The following MBP variants were observed in gnomAD, a reference collection of about 807,000 sequenced individuals.
MBP encodes the protein Golli-MBP.
In MBP, 16 loss-of-function variants were observed where a neutral mutation model predicts 35.8. That is an observed-to-expected ratio of 0.45 (90% CI 0.30 to 0.68). The LOEUF (loss-of-function observed/expected upper bound fraction) is 0.68, where lower values mean the gene tolerates loss of function less well. Ranked by LOEUF, MBP falls within the 30% of genes least tolerant of loss-of-function variation. The probability of loss-of-function intolerance (pLI) is 0.08; values close to 1 mark genes in which losing one functional copy is unlikely to be tolerated. For synonymous variants in MBP, 143 were observed against 159.6 expected, an observed-to-expected ratio of 0.90 and a Z score of 0.78; for missense variants, 380 against 404.7, an observed-to-expected ratio of 0.94 and a Z score of 0.52.
intron 2 of MBP, among the ~76,000 whole-genome samples, chr18:77,082,136 G>A (rs1249414921): frequency 1.3e-5 from 2 of 152,062 alleles, no homozygotes; most frequent in African/African-American, 2.4e-5. Context: ...ACAGGCGTGA[G>A]CCACTGCGCC....
At chr18:76,995,264 C>T (rs1402583791) in intron 4 of MBP, among the ~76,000 whole-genome samples, 1 of 152,114 alleles carries the variant, frequency 6.6e-6, no homozygotes, top group Admixed American at 6.5e-5. Flanking sequence ...GATTCTTTCC[C>T]CAAATCGATC....
intron 3 of MBP, among the ~76,000 whole-genome samples, chr18:77,041,284 G>A (rs1314721418): frequency 6.6e-6 from 1 of 152,164 alleles, no homozygotes; most frequent in African/African-American, 2.4e-5. Context: ...AACAACAGGT[G>A]CTGGAGAGGA....
rs1400173872 is a variant in MBP at position 77,016,923 on chromosome 18, A to T, written c.485T>A (p.Phe162Tyr). 1 of 1,614,140 alleles carries T rather than the reference A, an allele frequency of 6.2e-7. No homozygotes were observed. Among genetic ancestry groups the T allele is most frequent in the Non-Finnish European group, 8.5e-7 (1 of 1,180,038 alleles). ...ASTMDHARHGFLPRHRDTGIL... is the reference protein window; with the variant it reads ...ASTMDHARHGYLPRHRDTGIL... The stretch of plus-strand genomic sequence containing the variant: ...GCCCGTGTCTCTGTGCCTTGGGAGG[A>T]AGCCATGCCTGGCATGGTCCATGGT... The change falls in exon 4 of 9, where the codon TTC (phenylalanine) becomes TAC (tyrosine). Residue 162 changes from phenylalanine to tyrosine, a missense_variant. Phe to Tyr is a conservative substitution (Grantham distance 22, BLOSUM62 3). Transcript: ENST00000355994.
chr18:77,061,949 C>T (rs374553510), intron 3 of MBP, among the ~76,000 whole-genome samples: 3 of 152,350 alleles, frequency 2.0e-5, no homozygotes, highest in African/African-American at 7.2e-5. Context: ...ATGCTGTGCA[C>T]ACAGGACTTG....
intron 3 of MBP, among the ~76,000 whole-genome samples, chr18:77,051,700 A>T (rs1470012991): frequency 6.6e-6 from 1 of 152,144 alleles, no homozygotes; most frequent in African/African-American, 2.4e-5. Context: ...ATCAAATTTA[A>T]CACCTTCCAG....
intron 7 of MBP, chr18:76,985,971 C>G: frequency 7.1e-6 from 7 of 985,724 alleles, no homozygotes; most frequent in Non-Finnish European, 8.4e-6. Flanking sequence ...GTGCGAGTGT[C>G]CCAGGACCAG....
At chr18:77,053,832 T>C (rs1349049264) in intron 3 of MBP, among the ~76,000 whole-genome samples, 1 of 152,260 alleles carries the variant, frequency 6.6e-6, no homozygotes, top group African/African-American at 2.4e-5. Flanking sequence ...GTCTAGGTGC[T>C]GGGATATCTC....
intron 1 of MBP, among the ~76,000 whole-genome samples, chr18:77,128,417 G>A (rs1242097904): frequency 1.3e-5 from 2 of 152,082 alleles, no homozygotes; most frequent in African/African-American, 2.4e-5. Context: ...ATAAAGAGTA[G>A]CATCAAGGAT....
intron 4 of MBP, chr18:76,991,027 G>C (rs1041745696): frequency 1.0e-5 from 2 of 200,070 alleles, no homozygotes; most frequent in Non-Finnish European, 2.2e-5. Context: ...TTATCCCCAG[G>C]CTTCTGGGCT....
At chr18:77,013,677 A>G (rs917847823) in intron 4 of MBP, 29 of 985,332 alleles carry the variant, frequency 2.9e-5, no homozygotes, top group Non-Finnish European at 6.0e-6. Context: ...GTTTTCACAT[A>G]AAACAGAAAA....
At chr18:77,015,460 C>T (rs897750381) in intron 4 of MBP, 10 of 985,410 alleles carry the variant, frequency 1.0e-5, no homozygotes, top group Non-Finnish European at 1.2e-5. Flanking sequence ...TCGGTTAGAA[C>T]ACCAACATTT....
chr18:77,042,220 A>G (rs1973037933), intron 3 of MBP, among the ~76,000 whole-genome samples: 3 of 152,170 alleles, frequency 2.0e-5, no homozygotes, highest in Admixed American at 2.0e-4. Flanking sequence ...AGGAAGTGGC[A>G]TGCTCTCTTA....
At chr18:77,061,636 G>A (rs1973986659) in intron 3 of MBP, among the ~76,000 whole-genome samples, 1 of 152,174 alleles carries the variant, frequency 6.6e-6, no homozygotes, top group African/African-American at 2.4e-5. Flanking sequence ...AGAGTGAAAC[G>A]GGCGGCTCCC....
Position 77,102,696 on chromosome 18 carries a change from G to A in MBP, c.51+2515C>T, listed in dbSNP as rs371021827. On this transcript the variant is annotated intron_variant, in intron 2 of 8. Transcript: ENST00000355994. The surrounding 1 kb of genome is among the most constrained non-coding windows in gnomAD (Gnocchi z 4.4). ...AAAACATATGTGGGTGTTTTACAGCGTCAAACAACAGGAAAGAAACTGTAC... is the reference window on the plus strand; with the variant it reads ...AAAACATATGTGGGTGTTTTACAGCATCAAACAACAGGAAAGAAACTGTAC... 6.6e-4 allele frequency among the ~76,000 whole-genome samples: 100 copies of A among 152,248 alleles called. No individual in the cohort carries two copies. The highest frequency in any genetic ancestry group is 6.6e-3 in the East Asian group (34 of 5,182).
At chr18:76,997,787 A>T (rs536142853) in intron 4 of MBP, among the ~76,000 whole-genome samples, 3 of 150,290 alleles carry the variant, frequency 2.0e-5, no homozygotes, top group African/African-American at 7.4e-5. Context: ...GGTTCACGCC[A>T]CTCTCCTGCC....
chr18:77,008,696 C>G (rs1971144147), intron 4 of MBP, among the ~76,000 whole-genome samples: 1 of 152,232 alleles, frequency 6.6e-6, no homozygotes, highest in Non-Finnish European at 1.5e-5. Flanking sequence ...CACTTTCAGC[C>G]ACTGCCTGGA....
In MBP at chr18:77,102,825, T is replaced by C. The variant is rs994779693; in HGVS notation, c.51+2386A>G. Among the ~76,000 whole-genome samples the C allele has an allele frequency of 1.3e-5, 2 of 152,234 alleles. No homozygotes were observed. The highest frequency in any genetic ancestry group is 2.4e-5 in the African/African-American group (1 of 41,466). ...AGAGGCCTCTGAGCAGAGCTGTTTT[T>C]TCCACTTTCACTTTAGGTGAAACTT... On this transcript the variant is annotated intron_variant, in intron 2 of 8. Coordinates refer to ENST00000355994, the MANE Select transcript of MBP (RefSeq NM_001025101.2). The surrounding 1 kb of genome is among the most constrained non-coding windows in gnomAD (Gnocchi z 4.4).
intron 4 of MBP, chr18:77,015,774 C>A: frequency 1.0e-6 from 1 of 985,380 alleles, no homozygotes; most frequent in South Asian, 4.7e-5. Flanking sequence ...TCTAGAAACT[C>A]CTTAACTCCA....
At chr18:77,057,420 G>A (rs78257004) in intron 3 of MBP, among the ~76,000 whole-genome samples, 7,446 of 152,288 alleles carry the variant, frequency 0.049, 254 homozygotes, top group Middle Eastern at 0.11. Context: ...TTCACAAAAT[G>A]GGTTTTGTGG....
Sources: allele counts gnomAD v4.1 joint callset (sites outside exome capture counted in the v4.1 genomes callset), GRCh38; gene constraint gnomAD v4.1.1; non-coding constraint Gnocchi (gnomAD v3.1); transcripts MANE v1.5; gene names NCBI Gene and HGNC (gene_info 2026-07-23, HGNC 2026-07-21).